Variants in MYO5A observed in about 807,000 individuals in gnomAD.
MYO5A encodes unconventional myosin-Va.
MYO5A carries 98 observed loss-of-function variants against 249.7 expected under a neutral mutation model. The ratio of observed to expected loss-of-function variants is 0.39; its 90% CI spans 0.33 to 0.46. MYO5A has a LOEUF of 0.46. Ranked by LOEUF, MYO5A falls within the 20% of genes least tolerant of loss-of-function variation. The pLI, the probability that MYO5A is intolerant of heterozygous loss-of-function variation, is 0.98. For synonymous variants in MYO5A, 778 were observed against 810.6 expected (o/e 0.96, Z 0.68); for missense variants, 1,696 against 2,308.8 (o/e 0.73, Z 5.44).
rs145765339 is a variant in MYO5A at position 52,448,957 on chromosome 15, C to CTTTTTT, written c.28-15678_28-15673dup. On this transcript the variant is annotated intron_variant, in intron 1 of 41. Coordinates refer to ENST00000399233, the MANE Select transcript of MYO5A (RefSeq NM_001382347.1). ...TTTTTTTTTTTCTTTTCTTGTCTTT[C>CTTTTTT]TTTTTTTTTTTTTTTTTTTTTTTTT... is the stretch of plus-strand genomic sequence containing the variant. 4.1e-3 allele frequency among the ~76,000 whole-genome samples: 229 copies of CTTTTTT among 55,598 alleles called. 2 individuals are homozygous for CTTTTTT. The highest frequency in any genetic ancestry group is 6.1e-3 in the East Asian group (10 of 1,648). The allele number at this position is 55,598 out of a possible 152,430, so 36.5% of individuals were successfully genotyped here.
intron 4 of MYO5A, among the ~76,000 whole-genome samples, chr15:52,421,877 T>C (rs2043810239): frequency 1.3e-5 from 2 of 152,256 alleles, no homozygotes; most frequent in Admixed American, 6.5e-5. Flanking sequence ...CTAGTACAGA[T>C]GTCTTTTTCA....
At chr15:52,476,971 A>C (rs2141475677) in intron 1 of MYO5A, among the ~76,000 whole-genome samples, 1 of 152,320 alleles carries the variant, frequency 6.6e-6, no homozygotes, top group East Asian at 1.9e-4. Context: ...TCTCCTGGAT[A>C]ATAACCTGAA....
At position 52,451,854 on chromosome 15, in the gene MYO5A, G is replaced by C. The variant is rs567404706; in HGVS notation, c.28-18569C>G. Among the ~76,000 whole-genome samples, 3 of 152,286 alleles carry C rather than the reference G, an allele frequency of 2.0e-5. No individual in the cohort carries two copies. In the South Asian group the frequency reaches 6.2e-4, roughly 32 times the overall value. On this transcript the variant is annotated intron_variant, in intron 1 of 41. Transcript: ENST00000399233. ...TAAGCTCCACTGTTACGTTTTCTCAGATAACCCTGTACTTTTTCTTCACTA... is the reference window on the plus strand; with the variant it reads ...TAAGCTCCACTGTTACGTTTTCTCACATAACCCTGTACTTTTTCTTCACTA...
chr15:52,479,984 G>C (rs1473468303), intron 1 of MYO5A, among the ~76,000 whole-genome samples: 2 of 152,180 alleles, frequency 1.3e-5, no homozygotes, highest in Non-Finnish European at 2.9e-5. Context: ...CTGCACCTGT[G>C]ATGGAAGTAA....
intron 1 of MYO5A, among the ~76,000 whole-genome samples, chr15:52,514,387 C>A (rs916841990): frequency 6.6e-6 from 1 of 152,150 alleles, no homozygotes; most frequent in Non-Finnish European, 1.5e-5. Flanking sequence ...AACTGCAATG[C>A]AGTGCAGTAA....
intron 34 of MYO5A, among the ~76,000 whole-genome samples, chr15:52,335,819 A>T (rs2039093252): frequency 6.6e-6 from 1 of 152,106 alleles, no homozygotes; most frequent in Non-Finnish European, 1.5e-5. Flanking sequence ...TTGAGGACAG[A>T]CTCTATCATA....
At position 52,361,292 on chromosome 15, in the gene MYO5A, T is replaced by A. The variant is rs1311336129; in HGVS notation, c.3310-1211A>T. ...AAGCCCACAGTTGTAGGAATGGCAT[T>A]TATTTAATAAACTGGTTGTATCACT... On this transcript the variant is annotated intron_variant, in intron 24 of 41. Transcript: ENST00000399233. 2.0e-5 allele frequency among the ~76,000 whole-genome samples: 3 copies of A among 152,190 alleles called. No individual in the cohort carries two copies. In the East Asian group the frequency reaches 5.8e-4, roughly 29 times the overall value.
At chr15:52,448,938 T>C (rs1213589017) in intron 1 of MYO5A, among the ~76,000 whole-genome samples, 2 of 150,774 alleles carry the variant, frequency 1.3e-5, no homozygotes, top group African/African-American at 4.9e-5. Flanking sequence ...TTCTTTTTTT[T>C]TTTTCTTTTC....
chr15:52,316,233 CAAAAAAAAAAAAAA>C, intron 40 of MYO5A, among the ~76,000 whole-genome samples: 1 of 60,362 alleles, frequency 1.7e-5, no homozygotes, highest in East Asian at 8.0e-4. Context: ...GACTCCGTCA[CAAAAAAAAAAAAAA>C]AAAAAAAAAA....
chr15:52,323,043 T>A (rs2038408053), intron 37 of MYO5A, among the ~76,000 whole-genome samples: 1 of 152,218 alleles, frequency 6.6e-6, no homozygotes, highest in African/African-American at 2.4e-5. Context: ...CTTTAAATAG[T>A]TCACTATTCT....
chr15:52,411,664 T>C (rs1447621407), intron 5 of MYO5A, among the ~76,000 whole-genome samples: 1 of 152,150 alleles, frequency 6.6e-6, no homozygotes, highest in African/African-American at 2.4e-5. Context: ...GATTAGTAAA[T>C]TGAAACCACA....
At position 52,425,942 on chromosome 15, in the gene MYO5A, G is replaced by A. The variant is rs768965052; in HGVS notation, c.343C>T (p.Gln115Ter). The A allele has an allele frequency of 6.2e-7, 1 of 1,613,060 alleles. No homozygotes were observed. The change falls in exon 4 of 42, where the codon CAG (glutamine) becomes TAG (stop). Residue 115 changes from glutamine (Q) to a stop codon, truncating the protein, a stop_gained. Transcript: ENST00000399233. LOFTEE classifies it high-confidence loss of function. ...ATATCTTCTCCATAAATAGGCAGCT[G>A]TTCATAGGGATTTATAGCTACTAGG... ...IVLVAINPYEQLPIYGEDIIN... is the reference protein window; with the variant it reads ...IVLVAINPYE
intron 1 of MYO5A, among the ~76,000 whole-genome samples, chr15:52,467,955 A>T (rs2076384222): frequency 6.6e-6 from 1 of 152,216 alleles, no homozygotes; most frequent in Non-Finnish European, 1.5e-5. Context: ...ACAAAACCTC[A>T]CATATCAGCG....
In MYO5A at chr15:52,313,850, TGAG is replaced by T. The variant is rs760335230; in HGVS notation, c.5491-5_5491-3del. The T allele has an allele frequency of 1.2e-6, 2 of 1,613,942 alleles. No homozygotes were observed. Among genetic ancestry groups the T allele is most frequent in the Non-Finnish European group, 1.7e-6 (2 of 1,179,940 alleles). On this transcript the variant is annotated splice_region_variant and splice_polypyrimidine_tract_variant and intron_variant, in intron 41 of 41. Coordinates refer to ENST00000399233, the MANE Select transcript of MYO5A (RefSeq NM_001382347.1). ...GTCTTTCCTGTCTCGTAAACGCATC[TGAG>T]AAGATTAGGAAAAAAAATAAACAGA... is the stretch of plus-strand genomic sequence containing the variant.
chr15:52,389,760 C>T (rs1330582586), intron 12 of MYO5A, among the ~76,000 whole-genome samples: 1 of 152,122 alleles, frequency 6.6e-6, no homozygotes, highest in East Asian at 1.9e-4. Flanking sequence ...CGAGATTAGC[C>T]TGACCAGAAT....
rs1298110166 is a variant in MYO5A at position 52,311,760 on chromosome 15, G to A, written c.*1936C>T. On this transcript the variant is annotated 3_prime_UTR_variant, in exon 42 of 42. Coordinates refer to ENST00000399233, the MANE Select transcript of MYO5A (RefSeq NM_001382347.1). ...TTTCTCTCTAGAATCTAAGGGCTGA[G>A]AAGAGAGAATTTTAAATGTGGAGGA... is the stretch of plus-strand genomic sequence containing the variant. 1 of 152,556 alleles carries A rather than the reference G, an allele frequency of 6.6e-6. No individual in the cohort carries two copies. The highest frequency in any genetic ancestry group is 1.5e-5 in the Non-Finnish European group (1 of 68,024). 9.5% of individuals were successfully genotyped at this position (152,556 alleles called of 1,614,324 possible). A position where few individuals can be genotyped will look rare whatever the true frequency, so the allele number is the denominator to read the frequency against.
chr15:52,414,792 C>G (rs910482126), intron 5 of MYO5A, among the ~76,000 whole-genome samples: 1 of 152,204 alleles, frequency 6.6e-6, no homozygotes, highest in South Asian at 2.1e-4. Context: ...GATTCTATTT[C>G]CCCAGTATTA....
At chr15:52,471,592 A>AACACACACACACACAC (rs111751236) in intron 1 of MYO5A, among the ~76,000 whole-genome samples, 4,425 of 144,848 alleles carry the variant, frequency 0.031, 229 homozygotes, top group African/African-American at 0.1. Flanking sequence ...CTGTCTCTAA[A>AACACACACACACACAC]ACACACACAC....
intron 1 of MYO5A, among the ~76,000 whole-genome samples, chr15:52,451,029 C>T (rs1434030768): frequency 1.3e-5 from 2 of 151,714 alleles, no homozygotes; most frequent in African/African-American, 4.9e-5. Context: ...TCTACCTAGA[C>T]TTTTCTACTG....
Sources: allele counts gnomAD v4.1 joint callset (sites outside exome capture counted in the v4.1 genomes callset), GRCh38; gene constraint gnomAD v4.1.1; transcripts MANE v1.5; gene names NCBI Gene and HGNC (gene_info 2026-07-23, HGNC 2026-07-21).